SSBP2: variants seen among roughly 807,000 people sequenced by gnomAD.
The protein encoded by SSBP2 is single-stranded DNA-binding protein 2.
Under a neutral mutation model 61.8 loss-of-function variants are expected in SSBP2, and 17 were observed. That is an observed-to-expected ratio of 0.28 (90% CI 0.19 to 0.41). SSBP2 has a LOEUF of 0.41. Among genes scored for constraint, SSBP2 ranks in the 10% least tolerant of loss-of-function variants. The pLI is 1.00. For synonymous variants in SSBP2, 139 were observed against 141.3 expected (o/e 0.98, Z 0.12); for missense variants, 310 against 458.7 (o/e 0.68, Z 2.96).
intron 4 of SSBP2, among the ~76,000 whole-genome samples, chr5:81,590,979 G>C (rs1775456854): frequency 1.3e-5 from 2 of 152,150 alleles, no homozygotes; most frequent in Admixed American, 1.3e-4. Flanking sequence ...CTAAGACTGA[G>C]GCTGAATCAG....
chr5:81,579,379 T>TG (rs1211608759), intron 4 of SSBP2, among the ~76,000 whole-genome samples: 1 of 151,942 alleles, frequency 6.6e-6, no homozygotes, highest in African/African-American at 2.4e-5. Flanking sequence ...TGAGAGGTAA[T>TG]GGGGTGTCAT....
chr5:81,439,806 G>C (rs570245651), intron 14 of SSBP2, among the ~76,000 whole-genome samples: 11 of 151,786 alleles, frequency 7.2e-5, no homozygotes, highest in African/African-American at 2.7e-4. Context: ...CAAGTAGCTG[G>C]GACTACAGGC....
chr5:81,686,873 GAAAAGAAAAGAAAAGAAAAGAA>G (rs1752842943), intron 1 of SSBP2, among the ~76,000 whole-genome samples: 1 of 15,718 alleles, frequency 6.4e-5, no homozygotes, highest in African/African-American at 3.2e-4. Flanking sequence ...AAAAAAAAAA[GAAAAGAAAAGAAAAGAAAAGAA>G]AAGAAAAGAA....
intron 4 of SSBP2, among the ~76,000 whole-genome samples, chr5:81,597,337 A>G (rs1029051142): frequency 3.3e-5 from 5 of 152,096 alleles, no homozygotes; most frequent in South Asian, 2.1e-4. Context: ...TTAGAATGGC[A>G]ATCATTAAAG....
chr5:81,749,370 G>C, intron 1 of SSBP2, among the ~76,000 whole-genome samples: 1 of 152,210 alleles, frequency 6.6e-6, no homozygotes, highest in Non-Finnish European at 1.5e-5. Flanking sequence ...TGGGAATTGA[G>C]TGTGTTGCTG....
intron 4 of SSBP2, among the ~76,000 whole-genome samples, chr5:81,533,990 G>C (rs1177135567): frequency 3.9e-5 from 6 of 152,060 alleles, no homozygotes; most frequent in Middle Eastern, 3.2e-3. Flanking sequence ...AGAGCATTCT[G>C]TTCTTAACAA....
chr5:81,466,755 A>G (rs765624627), intron 9 of SSBP2, among the ~76,000 whole-genome samples: 1 of 152,016 alleles, frequency 6.6e-6, no homozygotes, highest in African/African-American at 2.4e-5. Flanking sequence ...CAAAGAAAAC[A>G]TAAGAGATTA....
At chr5:81,659,279 C>G (rs1459986557) in intron 1 of SSBP2, among the ~76,000 whole-genome samples, 1 of 152,072 alleles carries the variant, frequency 6.6e-6, no homozygotes, top group Non-Finnish European at 1.5e-5. Context: ...AGTGTCTCAG[C>G]CCAAAAAATC....
chr5:81,448,236 T>C (rs1045331396), intron 11 of SSBP2, among the ~76,000 whole-genome samples: 3 of 152,318 alleles, frequency 2.0e-5, no homozygotes, highest in African/African-American at 7.2e-5. Context: ...ATATAAAACT[T>C]ATTAATTTGA....
chr5:81,639,342 CTAAA>C (rs1748564596), intron 2 of SSBP2, among the ~76,000 whole-genome samples: 1 of 152,120 alleles, frequency 6.6e-6, no homozygotes, highest in Non-Finnish European at 1.5e-5. Flanking sequence ...AAAGTTCTGA[CTAAA>C]TACTTTTGCA....
intron 9 of SSBP2, among the ~76,000 whole-genome samples, chr5:81,464,135 A>G (rs1252542099): frequency 1.3e-5 from 2 of 152,082 alleles, no homozygotes; most frequent in South Asian, 2.1e-4. Context: ...CACAAACTTC[A>G]TAATTCTGCA....
intron 6 of SSBP2, among the ~76,000 whole-genome samples, chr5:81,488,495 A>T (rs1489563850): frequency 6.6e-6 from 1 of 152,044 alleles, no homozygotes; most frequent in Non-Finnish European, 1.5e-5. Context: ...CTTTTCATAC[A>T]CTATACCTGT....
intron 16 of SSBP2, among the ~76,000 whole-genome samples, chr5:81,426,657 G>T (rs1266499610): frequency 6.6e-6 from 1 of 152,226 alleles, no homozygotes; most frequent in Non-Finnish European, 1.5e-5. Context: ...AGAAGCTGGG[G>T]CTTATTCTGT....
intron 8 of SSBP2, among the ~76,000 whole-genome samples, chr5:81,472,006 T>G (rs1279309081): frequency 6.6e-6 from 1 of 152,000 alleles, no homozygotes; most frequent in Non-Finnish European, 1.5e-5. Context: ...GGGTGCTGAG[T>G]TCTCAATTTT....
intron 4 of SSBP2, among the ~76,000 whole-genome samples, chr5:81,605,243 T>C (rs756123604): frequency 3.3e-5 from 5 of 152,140 alleles, no homozygotes; most frequent in Non-Finnish European, 7.4e-5. Flanking sequence ...TATCTTCTTA[T>C]ACTTTACTCA....
At chr5:81,573,691 T>C (rs1461097401) in intron 4 of SSBP2, among the ~76,000 whole-genome samples, 1 of 152,182 alleles carries the variant, frequency 6.6e-6, no homozygotes. Context: ...ATTATCTCTA[T>C]TATCATGCAT....
At chr5:81,526,509 C>T (rs2154099853) in intron 4 of SSBP2, among the ~76,000 whole-genome samples, 1 of 151,948 alleles carries the variant, frequency 6.6e-6, no homozygotes, top group South Asian at 2.1e-4. Context: ...TTATGAAATA[C>T]TGAGTAATAA....
chr5:81,735,406 CA>C (rs1308097058), intron 1 of SSBP2, among the ~76,000 whole-genome samples: 6 of 152,102 alleles, frequency 3.9e-5, no homozygotes, highest in Non-Finnish European at 7.4e-5. Flanking sequence ...CTGCAGATAC[CA>C]AAATCAATGG....
At chr5:81,469,634 T>C (rs1350843361) in intron 8 of SSBP2, among the ~76,000 whole-genome samples, 1 of 152,018 alleles carries the variant, frequency 6.6e-6, no homozygotes, top group Non-Finnish European at 1.5e-5. Flanking sequence ...CCAGTGTTCA[T>C]GTATGGTGCC....
Sources: gnomAD v4.1 joint callset for allele counts (sites outside exome capture counted in the v4.1 genomes callset) on GRCh38, gnomAD v4.1.1 for gene constraint, MANE v1.5 for transcripts, NCBI Gene and HGNC (gene_info 2026-07-23, HGNC 2026-07-21) for gene names.